Variants in NME1 observed in about 807,000 individuals in gnomAD.
NME1 encodes the protein NME/NM23 nucleoside diphosphate kinase 1, also known as nucleoside diphosphate kinase A.
NME1 carries 9 observed loss-of-function variants against 17.2 expected under a neutral mutation model. The observed-to-expected ratio is 0.52, with a 90% confidence interval of 0.32 to 0.92. The LOEUF (loss-of-function observed/expected upper bound fraction) is 0.92, where lower values mean the gene tolerates loss of function less well. NME1 is among the 40% of genes least tolerant of loss of function. NME1 has a pLI of 0.04. For missense variants in NME1, 169 were observed against 201.7 expected (o/e 0.84, Z 0.98); for synonymous variants, 72 against 70.8 (o/e 1.02, Z -0.09).
chr17:51,157,516 C>T (rs907636258), intron 2 of NME1, among the ~76,000 whole-genome samples: 2 of 152,298 alleles, frequency 1.3e-5, no homozygotes, highest in South Asian at 2.1e-4. Context: ...ATTGTTGCAT[C>T]GAGGATTAAA....
intron 2 of NME1, 40 bp from the exon 3 acceptor site, chr17:51,159,940 T>TTTGGG (rs777069773): frequency 1.2e-6 from 2 of 1,608,866 alleles, no homozygotes; most frequent in South Asian, 2.2e-5. Context: ...TGTCCTTAGA[T>TTTGGG]GGTTTGGGGG....
rs1276742268 is a variant in NME1, at chr17:51,162,136, A to G, written c.*291A>G. 1.6e-5 allele frequency: 5 copies of G among 310,400 alleles called. No individual in the cohort carries two copies. Among genetic ancestry groups the G allele is most frequent in the Non-Finnish European group, 3.1e-5 (5 of 162,708 alleles). 19.2% of individuals were successfully genotyped at this position (310,400 alleles called of 1,614,324 possible). A position where few individuals can be genotyped will look rare whatever the true frequency, so the allele number is the denominator to read the frequency against. ...TGACCTAATAGAGAGTGTAAATACT[A>G]TAAAAATGATTTATTTTGAGGTCTC... On this transcript the variant is annotated 3_prime_UTR_variant, in exon 5 of 5. Coordinates refer to ENST00000393196, the MANE Select transcript of NME1 (RefSeq NM_000269.3).
intron 1 of NME1, chr17:51,153,869 G>T (rs2049744163): frequency 6.0e-6 from 1 of 167,346 alleles, no homozygotes; most frequent in South Asian, 1.3e-4. Flanking sequence ...GTCGGTGGCC[G>T]CCTTTCTCGT....
intron 2 of NME1, among the ~76,000 whole-genome samples, chr17:51,157,827 A>G (rs1259111419): frequency 1.3e-5 from 2 of 152,078 alleles, no homozygotes; most frequent in African/African-American, 4.8e-5. Context: ...ATTTCCTATT[A>G]AGGATATATG....
At chr17:51,156,293 G>T in intron 2 of NME1, 1 of 201,152 alleles carries the variant, frequency 5.0e-6, no homozygotes. Context: ...ACAGCAGAGA[G>T]CAGATGTACC....
intron 1 of NME1, chr17:51,154,403 C>T (rs760661901): frequency 3.7e-6 from 6 of 1,614,148 alleles, no homozygotes; most frequent in Non-Finnish European, 4.2e-6. Flanking sequence ...TAGGGATCGT[C>T]TTTCAAGGCG....
At chr17:51,161,323 C>A in intron 4 of NME1, 51 bp downstream of exon 4, 1 of 1,530,500 alleles carries the variant, frequency 6.5e-7, no homozygotes, top group Non-Finnish European at 8.9e-7. Context: ...TTAGTTGCCA[C>A]AAGGATTTGG....
At chr17:51,155,818 T>G (rs749738921) in intron 2 of NME1, 38 bp downstream of exon 2, 2 of 1,610,978 alleles carry the variant, frequency 1.2e-6, no homozygotes, top group African/African-American at 2.7e-5. Context: ...GATTCCTTCA[T>G]AGTATAGGAG....
At chr17:51,154,980 C>G (rs2049764051) in intron 1 of NME1, among the ~76,000 whole-genome samples, 2 of 152,284 alleles carry the variant, frequency 1.3e-5, no homozygotes, top group African/African-American at 4.8e-5. Flanking sequence ...GGGCTCACGC[C>G]TTTAATCCCA....
In NME1 at chr17:51,161,887, C is replaced by G. The variant is rs575570451; in HGVS notation, c.*42C>G. On this transcript the variant is annotated 3_prime_UTR_variant, in exon 5 of 5. Coordinates refer to ENST00000393196, the MANE Select transcript of NME1 (RefSeq NM_000269.3). ...ATTGCTTTTCACATCCATTTCCCCT[C>G]CTTCCCATGGGCAGAGGACCAGGCT... 2 of 1,265,202 alleles carry G rather than the reference C, an allele frequency of 1.6e-6. No individual in the cohort carries two copies. The highest frequency in any genetic ancestry group is 1.7e-5 in the Admixed American group (1 of 59,558). The allele number at this position is 1,265,202 out of a possible 1,614,324, so 78.4% of individuals were successfully genotyped here. A position where few individuals can be genotyped will look rare whatever the true frequency, so the allele number is the denominator to read the frequency against.
Sources: gnomAD v4.1 joint callset for allele counts (sites outside exome capture counted in the v4.1 genomes callset) on GRCh38, gnomAD v4.1.1 for gene constraint, MANE v1.5 for transcripts, NCBI Gene and HGNC (gene_info 2026-07-23, HGNC 2026-07-21) for gene names.